The following HNRNPA1L2 variants were observed in gnomAD, a reference collection of about 807,000 sequenced individuals.
The protein encoded by HNRNPA1L2 is heterogeneous nuclear ribonucleoprotein A1 like 2, also known as heterogeneous nuclear ribonucleoprotein A1-like 2.
A neutral mutation model predicts 18.2 loss-of-function variants in HNRNPA1L2; 10 were observed. That is an observed-to-expected ratio of 0.55 (90% CI 0.34 to 0.93). The LOEUF is 0.93. Among genes scored for constraint, HNRNPA1L2 ranks in the 40% least tolerant of loss-of-function variants. The pLI is 0.02. For missense variants in HNRNPA1L2, 308 were observed against 394.4 expected (o/e 0.78, Z 1.85); for synonymous variants, 124 against 138.6 (o/e 0.89, Z 0.74).
chr13:52,643,350 T>C lies in HNRNPA1L2; in HGVS notation c.858T>C (p.Ser286=). The C allele has an allele frequency of 1.9e-6, 3 of 1,598,256 alleles. No individual in the cohort carries two copies. The highest frequency in any genetic ancestry group is 2.5e-6 in the Non-Finnish European group (3 of 1,179,762). Residue 286 remains serine, a synonymous_variant, in exon 1 of 1, where the codon TCT becomes TCC. Transcript: ENST00000357495. ...GAGGAAATTTTGGAGGCAGAAGCTC[T>C]GGCCCCTATGGCGGTGGAGGCCAAT... ...MKGGNFGGRS[S]GPYGGGGQYF... is the part of the protein sequence containing the mutation.
the HNRNPA1L2 span, chr13:52,637,425 T>C: frequency 3.9e-6 from 1 of 258,148 alleles, no homozygotes; most frequent in Non-Finnish European, 7.7e-6. Flanking sequence ...AAACTGAGAG[T>C]TCCCAATTAA....
the HNRNPA1L2 span, among the ~76,000 whole-genome samples, chr13:52,634,677 C>T: frequency 6.6e-6 from 1 of 152,104 alleles, no homozygotes; most frequent in Non-Finnish European, 1.5e-5. Flanking sequence ...CCATGATTCC[C>T]ACTTCTTGTT....
chr13:52,629,871 C>T, the HNRNPA1L2 span, among the ~76,000 whole-genome samples: 3 of 152,078 alleles, frequency 2.0e-5, no homozygotes, highest in African/African-American at 4.8e-5. Flanking sequence ...AGGCGGATCA[C>T]GAGGTCGGGA....
At chr13:52,637,694 A>G (rs1961507597), upstream of HNRNPA1L2, among the ~76,000 whole-genome samples, 1 of 152,188 alleles carries the variant, frequency 6.6e-6, no homozygotes, top group Non-Finnish European at 1.5e-5. Flanking sequence ...AATGATCAAC[A>G]TAACGCGGTA....
At chr13:52,622,435 G>A in the HNRNPA1L2 span, among the ~76,000 whole-genome samples, 5 of 152,156 alleles carry the variant, frequency 3.3e-5, no homozygotes, top group African/African-American at 1.2e-4. Context: ...CTTGAGAAAT[G>A]CTGTAATTGT....
At chr13:52,619,406 T>C in the HNRNPA1L2 span, among the ~76,000 whole-genome samples, 1 of 151,382 alleles carries the variant, frequency 6.6e-6, no homozygotes, top group Non-Finnish European at 1.5e-5. Context: ...TCTGCCTCCC[T>C]GGTTCAAGCG....
the HNRNPA1L2 span, among the ~76,000 whole-genome samples, chr13:52,619,973 A>G: frequency 6.6e-6 from 1 of 151,180 alleles, no homozygotes; most frequent in Admixed American, 6.6e-5. Context: ...AGATTGTACC[A>G]TATATTGAAT....
the HNRNPA1L2 span, chr13:52,622,079 G>T: frequency 6.3e-6 from 1 of 157,652 alleles, no homozygotes; most frequent in South Asian, 1.9e-4. Context: ...GACTTCCAAG[G>T]AGACTTCAGA....
the HNRNPA1L2 span, among the ~76,000 whole-genome samples, chr13:52,633,665 T>A: frequency 2.0e-5 from 3 of 152,162 alleles, no homozygotes; most frequent in South Asian, 4.1e-4. Flanking sequence ...AGAAAAAAAT[T>A]ATCTGGGTAT....
At chr13:52,631,443 A>G in the HNRNPA1L2 span, among the ~76,000 whole-genome samples, 1 of 152,172 alleles carries the variant, frequency 6.6e-6, no homozygotes, top group Admixed American at 6.5e-5. Context: ...TTACCAAGGC[A>G]TTTCCTCTCT....
chr13:52,617,562 TTCC>T, the HNRNPA1L2 span: 1 of 443,304 alleles, frequency 2.3e-6, no homozygotes, highest in Non-Finnish European at 4.1e-6. Flanking sequence ...TCCGCGGTGT[TTCC>T]TAGAGTCTCG....
chr13:52,636,530 A>G, the HNRNPA1L2 span, among the ~76,000 whole-genome samples: 3 of 152,192 alleles, frequency 2.0e-5, no homozygotes, highest in African/African-American at 4.8e-5. Flanking sequence ...GTACTAATGC[A>G]TAAAAAAATT....
At chr13:52,630,660 A>G in the HNRNPA1L2 span, among the ~76,000 whole-genome samples, 2 of 152,352 alleles carry the variant, frequency 1.3e-5, no homozygotes, top group Non-Finnish European at 2.9e-5. Flanking sequence ...AAAATCAGGC[A>G]CTTGAGTTAA....
At chr13:52,635,575 AACACACACACACACACACACACACACAC>A in the HNRNPA1L2 span, among the ~76,000 whole-genome samples, 1 of 143,284 alleles carries the variant, frequency 7.0e-6, no homozygotes, top group African/African-American at 2.6e-5. Context: ...GTCCTTTTGC[AACACACACACACACACACACACACACAC>A]ACACACACAC....
chr13:52,617,758 T>C, the HNRNPA1L2 span: 1 of 419,706 alleles, frequency 2.4e-6, no homozygotes. Context: ...TCAGTTATCC[T>C]CCAACTTCCT....
the HNRNPA1L2 span, among the ~76,000 whole-genome samples, chr13:52,625,117 C>CTT: frequency 1.4e-5 from 2 of 145,428 alleles, no homozygotes; most frequent in Admixed American, 1.4e-4. Context: ...TTAAAAGATA[C>CTT]TTTTTTTTTT....
chr13:52,628,272 A>G, the HNRNPA1L2 span, among the ~76,000 whole-genome samples: 2 of 152,126 alleles, frequency 1.3e-5, no homozygotes, highest in African/African-American at 2.4e-5. Context: ...ACAAGACCCC[A>G]TCTTTACAAA....
chr13:52,628,602 T>C, the HNRNPA1L2 span, among the ~76,000 whole-genome samples: 1 of 152,254 alleles, frequency 6.6e-6, no homozygotes, highest in Non-Finnish European at 1.5e-5. Flanking sequence ...GGCATACAGA[T>C]ACTGATTGTA....
At chr13:52,631,522 C>A in the HNRNPA1L2 span, among the ~76,000 whole-genome samples, 36 of 152,294 alleles carry the variant, frequency 2.4e-4, no homozygotes, top group African/African-American at 8.4e-4. Flanking sequence ...ATGCAAGGCA[C>A]TGAGGAAAGT....
Sources: allele counts gnomAD v4.1 joint callset (sites outside exome capture counted in the v4.1 genomes callset), GRCh38; gene constraint gnomAD v4.1.1; transcripts MANE v1.5; gene names NCBI Gene and HGNC (gene_info 2026-07-23, HGNC 2026-07-21).